Variants in GREB1 observed in about 807,000 individuals in gnomAD.
The protein encoded by GREB1 is protein GREB1.
GREB1 carries 106 observed loss-of-function variants against 200.7 expected under a neutral mutation model. That is an observed-to-expected ratio of 0.53 (90% CI 0.45 to 0.62). The LOEUF (loss-of-function observed/expected upper bound fraction) is 0.62, where lower values mean the gene tolerates loss of function less well. Ranked by LOEUF, GREB1 falls within the 20% of genes least tolerant of loss-of-function variation. The pLI is 0.00. For synonymous variants in GREB1, 1,132 were observed against 1,092.4 expected, an observed-to-expected ratio of 1.04 and a Z score of -0.72; for missense variants, 2,243 against 2,556.8, an observed-to-expected ratio of 0.88 and a Z score of 2.65.
chr2:11,501,819 G>T (rs573410714), intron 1 of GREB1, among the ~76,000 whole-genome samples: 1 of 145,022 alleles, frequency 6.9e-6, no homozygotes, highest in East Asian at 2.1e-4. Context: ...TAATTTTCAA[G>T]TATCGTACTC....
intron 24 of GREB1, among the ~76,000 whole-genome samples, chr2:11,625,639 A>C (rs1208137327): frequency 6.6e-6 from 1 of 152,182 alleles, no homozygotes; most frequent in African/African-American, 2.4e-5. Flanking sequence ...AAACGAGTAC[A>C]CGTGTTCACC....
intron 22 of GREB1, 49 bp from the exon 23 acceptor site, chr2:11,620,856 C>G: frequency 9.0e-7 from 1 of 1,106,524 alleles, no homozygotes; most frequent in Non-Finnish European, 1.4e-6. Context: ...GTGCCTGGCA[C>G]GCGGATGGGG....
intron 1 of GREB1, among the ~76,000 whole-genome samples, chr2:11,508,770 T>G (rs545319122): frequency 6.6e-6 from 1 of 152,240 alleles, no homozygotes; most frequent in South Asian, 2.1e-4. Flanking sequence ...TGCCAGAATC[T>G]CCACCATTAT....
At chr2:11,634,933 G>C (rs931257355) in intron 29 of GREB1, among the ~76,000 whole-genome samples, 1 of 152,192 alleles carries the variant, frequency 6.6e-6, no homozygotes, top group Non-Finnish European at 1.5e-5. Context: ...GTTTTTTGTT[G>C]CTTTCTTTTT....
intron 29 of GREB1, 131 bp downstream of exon 29, chr2:11,634,480 T>A: frequency 3.1e-6 from 2 of 648,210 alleles, no homozygotes; most frequent in Non-Finnish European, 5.4e-6. Flanking sequence ...GTTGTCCCAG[T>A]TTTTTTAGTG....
intron 4 of GREB1, among the ~76,000 whole-genome samples, chr2:11,568,966 C>T (rs543387503): frequency 6.6e-6 from 1 of 152,336 alleles, no homozygotes; most frequent in African/African-American, 2.4e-5. Flanking sequence ...GTGGTCCGCT[C>T]CAGCCCTGCA....
intron 1 of GREB1, among the ~76,000 whole-genome samples, chr2:11,503,214 G>A (rs1310572625): frequency 6.6e-6 from 1 of 152,174 alleles, no homozygotes; most frequent in African/African-American, 2.4e-5. Flanking sequence ...CCTCATCCCA[G>A]AGGGACAATT....
chr2:11,547,898 T>C (rs1675437720), intron 1 of GREB1, among the ~76,000 whole-genome samples: 1 of 152,166 alleles, frequency 6.6e-6, no homozygotes, highest in Admixed American at 6.5e-5. Context: ...GAACACACTG[T>C]TAGCTGGGTG....
rs1359330830 is a variant in GREB1 at position 11,597,448 on chromosome 2, T to TG, written c.1955-333_1955-332insG. Among the ~76,000 whole-genome samples the TG allele has an allele frequency of 6.6e-6, 1 of 152,118 alleles. No individual in the cohort carries two copies. The highest frequency in any genetic ancestry group is 1.5e-5 in the Non-Finnish European group (1 of 68,010). On this transcript the variant is annotated intron_variant, in intron 13 of 32. Coordinates refer to ENST00000381486, the MANE Select transcript of GREB1 (RefSeq NM_014668.4). This position sits in a 1 kb window ranked among gnomAD's most constrained non-coding sequence, Gnocchi z 4.1. Reference sequence around the variant, plus strand: ...CTTTTCTGGAGAGTTTGCAGTCCTCTTCCAGAGTCCAGTCTCAGCATCACC... The same window carrying TG: ...CTTTTCTGGAGAGTTTGCAGTCCTCTGTCCAGAGTCCAGTCTCAGCATCACC...
intron 1 of GREB1, among the ~76,000 whole-genome samples, chr2:11,489,253 C>T (rs1299768979): frequency 6.6e-6 from 1 of 152,184 alleles, no homozygotes; most frequent in Non-Finnish European, 1.5e-5. Context: ...GCAGACCAGC[C>T]TGGCCAACCT....
chr2:11,606,506 C>A (rs868746311), intron 17 of GREB1, among the ~76,000 whole-genome samples: 8 of 152,132 alleles, frequency 5.3e-5, no homozygotes, highest in Middle Eastern at 6.8e-3. Context: ...AAGTTGACTC[C>A]TTTATTATTT....
At chr2:11,593,161 C>T in intron 11 of GREB1, 35 bp downstream of exon 11, 1 of 1,417,244 alleles carries the variant, frequency 7.1e-7, no homozygotes, top group Non-Finnish European at 9.6e-7. Flanking sequence ...GGGAAAGCCC[C>T]CTGAACGGTG....
rs1002482546 is a variant in GREB1 at position 11,482,993 on chromosome 2, G to A, written c.-159+612G>A. Among the ~76,000 whole-genome samples the A allele has an allele frequency of 1.1e-4, 17 of 151,428 alleles. No individual in the cohort carries two copies. In the South Asian group the frequency reaches 1.9e-3, roughly 17 times the overall value. ...GAGCGGTCCCTCCGGGCGGCAGCGG[G>A]CGGAGCGGGGGCGCGGGGCTGTGCG... On this transcript the variant is annotated intron_variant, in intron 1 of 2. Transcript: ENST00000628795.
intron 1 of GREB1, among the ~76,000 whole-genome samples, chr2:11,514,197 A>C (rs1044693604): frequency 1.3e-5 from 2 of 152,248 alleles, no homozygotes; most frequent in Admixed American, 1.3e-4. Context: ...ATTGAGAGCC[A>C]AATGTGTGTG....
chr2:11,613,184 A>G (rs534233144), intron 19 of GREB1, among the ~76,000 whole-genome samples: 1 of 152,068 alleles, frequency 6.6e-6, no homozygotes, highest in African/African-American at 2.4e-5. Context: ...TATCCACTCG[A>G]TGTCCGCTGG....
At chr2:11,635,235 C>G (rs1202058866) in intron 29 of GREB1, 35 bp from the exon 30 acceptor site, 15 of 1,613,054 alleles carry the variant, frequency 9.3e-6, no homozygotes, top group Non-Finnish European at 1.3e-5. Flanking sequence ...TGAGCTGTGC[C>G]CCATCAGACC....
chr2:11,530,833 T>G (rs933697799), upstream of GREB1, among the ~76,000 whole-genome samples: 4 of 152,054 alleles, frequency 2.6e-5, no homozygotes, highest in African/African-American at 9.7e-5. Flanking sequence ...CACACAATTT[T>G]TAAAAAGGGG....
intron 3 of GREB1, among the ~76,000 whole-genome samples, chr2:11,563,705 C>T (rs773786777): frequency 9.9e-5 from 15 of 152,174 alleles, no homozygotes; most frequent in African/African-American, 1.4e-4. Context: ...TATGGTACCC[C>T]CTATACAAAT....
At chr2:11,604,030 A>G (rs1682020520) in intron 17 of GREB1, among the ~76,000 whole-genome samples, 1 of 152,244 alleles carries the variant, frequency 6.6e-6, no homozygotes, top group African/African-American at 2.4e-5. Flanking sequence ...CCACCAAGCC[A>G]CATTGACCAA....
Sources: allele counts gnomAD v4.1 joint callset (sites outside exome capture counted in the v4.1 genomes callset), GRCh38; gene constraint gnomAD v4.1.1; non-coding constraint Gnocchi (gnomAD v3.1); transcripts MANE v1.5; gene names NCBI Gene and HGNC (gene_info 2026-07-23, HGNC 2026-07-21).